The following PTPRT variants were observed in gnomAD, a reference collection of about 807,000 sequenced individuals.
PTPRT encodes receptor-type tyrosine-protein phosphatase T.
PTPRT carries 56 observed loss-of-function variants against 176.8 expected under a neutral mutation model. The observed-to-expected ratio is 0.32, with a 90% confidence interval of 0.26 to 0.40. The LOEUF is 0.40. Ranked by LOEUF, PTPRT falls within the 10% of genes least tolerant of loss-of-function variation. PTPRT has a pLI of 1.00. For missense variants in PTPRT, 1,540 were observed against 1,908.2 expected (o/e 0.81, Z 3.60); for synonymous variants, 783 against 739.0 (o/e 1.06, Z -0.96).
At chr20:42,505,360 G>A (rs192990018) in intron 7 of PTPRT, among the ~76,000 whole-genome samples, 7 of 152,146 alleles carry the variant, frequency 4.6e-5, no homozygotes, top group East Asian at 1.9e-4. Flanking sequence ...GGAGTGCAGC[G>A]GCGTGATGTC....
At chr20:42,544,290 G>C (rs555305973) in intron 7 of PTPRT, among the ~76,000 whole-genome samples, 8 of 152,164 alleles carry the variant, frequency 5.3e-5, no homozygotes, top group Non-Finnish European at 7.4e-5. Context: ...TACAGCTTCT[G>C]CATAAGCATT....
rs373913484 is a variant in PTPRT at position 43,099,710 on chromosome 20, C to A, written c.88+89936G>T. On this transcript the variant is annotated intron_variant, in intron 1 of 30. Transcript: ENST00000373187. Reference sequence around the variant, plus strand: ...TCATCTCCATTCTTGTGCCTCCAATCCTGCCAGTCTTTCAGGCCCATCTTT... The same window carrying A: ...TCATCTCCATTCTTGTGCCTCCAATACTGCCAGTCTTTCAGGCCCATCTTT... Among the ~76,000 whole-genome samples, 7 of 152,206 alleles carry A rather than the reference C, an allele frequency of 4.6e-5. 1 individual carries two copies. In the East Asian group the frequency reaches 1.2e-3, roughly 25 times the overall value.
intron 16 of PTPRT, among the ~76,000 whole-genome samples, chr20:42,167,880 C>T (rs1989895780): frequency 6.6e-6 from 1 of 152,154 alleles, no homozygotes. Flanking sequence ...AACCAACCCT[C>T]TGTGGAGTTG....
At chr20:42,887,767 A>G (rs2079125925) in intron 1 of PTPRT, among the ~76,000 whole-genome samples, 1 of 152,206 alleles carries the variant, frequency 6.6e-6, no homozygotes, top group South Asian at 2.1e-4. Flanking sequence ...GACACCCAGA[A>G]GAGCTGGCCT....
intron 7 of PTPRT, among the ~76,000 whole-genome samples, chr20:42,570,977 C>T (rs918619301): frequency 2.0e-5 from 3 of 151,936 alleles, no homozygotes; most frequent in African/African-American, 7.3e-5. Flanking sequence ...GTTATTCTGC[C>T]CACCCTAATG....
At chr20:43,143,304 T>C (rs1275679724) in intron 1 of PTPRT, among the ~76,000 whole-genome samples, 1 of 152,190 alleles carries the variant, frequency 6.6e-6, no homozygotes, top group Non-Finnish European at 1.5e-5. Context: ...AGCAAATTGA[T>C]CTAATAAAAA....
chr20:42,085,952 C>CTTT, intron 27 of PTPRT, 99 bp from the exon 28 acceptor site: 25 of 1,095,514 alleles, frequency 2.3e-5, no homozygotes, highest in East Asian at 1.2e-4. Flanking sequence ...TTTTCTTTTT[C>CTTT]TTTTTTTTTT....
the PTPRT span, among the ~76,000 whole-genome samples, chr20:42,034,455 T>A: frequency 1.3e-5 from 2 of 152,062 alleles, no homozygotes; most frequent in Non-Finnish European, 2.9e-5. Context: ...GGATAAAAGT[T>A]CACAGCCCAA....
intron 11 of PTPRT, among the ~76,000 whole-genome samples, chr20:42,350,327 C>T (rs1373766749): frequency 1.3e-5 from 2 of 150,948 alleles, no homozygotes; most frequent in Non-Finnish European, 2.9e-5. Flanking sequence ...CTTCCAGGCC[C>T]AAGCAATCTT....
At chr20:42,741,760 T>C (rs1028688) in intron 6 of PTPRT, among the ~76,000 whole-genome samples, 102,049 of 151,740 alleles carry the variant, frequency 0.67, 35,078 homozygotes, top group East Asian at 0.85. Context: ...AGGTGGTAGC[T>C]TGGAGTTGGG....
At chr20:43,031,482 A>T (rs1244671518) in intron 1 of PTPRT, among the ~76,000 whole-genome samples, 8 of 152,242 alleles carry the variant, frequency 5.3e-5, no homozygotes, top group African/African-American at 1.4e-4. Context: ...TAAGCAATAC[A>T]ATTGCATTGC....
intron 9 of PTPRT, among the ~76,000 whole-genome samples, chr20:42,394,972 A>G (rs1464407441): frequency 1.3e-5 from 2 of 152,212 alleles, no homozygotes; most frequent in Admixed American, 1.3e-4. Flanking sequence ...CATTTGTCAC[A>G]GTATTAACTC....
At chr20:42,892,667 G>T (rs73271780) in intron 1 of PTPRT, among the ~76,000 whole-genome samples, 1 of 152,234 alleles carries the variant, frequency 6.6e-6, no homozygotes, top group African/African-American at 2.4e-5. Context: ...ATCCATAGCT[G>T]GTGCTGAAAG....
intron 2 of PTPRT, among the ~76,000 whole-genome samples, chr20:42,792,726 A>C (rs1436153432): frequency 6.6e-6 from 1 of 152,194 alleles, no homozygotes; most frequent in Non-Finnish European, 1.5e-5. Flanking sequence ...CTACTTCAAT[A>C]GCTAAAAGTC....
chr20:42,695,318 G>A (rs4812622), intron 6 of PTPRT, among the ~76,000 whole-genome samples: 55,244 of 151,932 alleles, frequency 0.36, 11,055 homozygotes, highest in African/African-American at 0.54. Flanking sequence ...ATACTCAAAT[G>A]TATCAGAGCT....
intron 7 of PTPRT, among the ~76,000 whole-genome samples, chr20:42,635,919 T>A (rs2074587006): frequency 1.3e-5 from 2 of 152,184 alleles, no homozygotes; most frequent in Admixed American, 1.3e-4. Context: ...AGGACTTGCA[T>A]ACAGTGTAGT....
intron 1 of PTPRT, among the ~76,000 whole-genome samples, chr20:43,165,585 T>C (rs1324576153): frequency 1.3e-5 from 2 of 152,164 alleles, no homozygotes; most frequent in African/African-American, 4.8e-5. Flanking sequence ...TCTTTACAAA[T>C]TACCTAGTCT....
intron 17 of PTPRT, among the ~76,000 whole-genome samples, chr20:42,156,226 G>A (rs1269478112): frequency 6.6e-6 from 1 of 152,178 alleles, no homozygotes; most frequent in Non-Finnish European, 1.5e-5. Flanking sequence ...CCACCCCCAA[G>A]GATTCTCATA....
chr20:42,598,447 T>C (rs899519188), intron 7 of PTPRT, among the ~76,000 whole-genome samples: 7 of 152,152 alleles, frequency 4.6e-5, no homozygotes, highest in African/African-American at 1.7e-4. Flanking sequence ...AAATGAGTAG[T>C]GTACAAAATA....
Sources: allele counts gnomAD v4.1 joint callset (sites outside exome capture counted in the v4.1 genomes callset), GRCh38; gene constraint gnomAD v4.1.1; transcripts MANE v1.5; gene names NCBI Gene and HGNC (gene_info 2026-07-23, HGNC 2026-07-21).